The following WDR44 variants were observed in gnomAD, a reference collection of about 807,000 sequenced individuals.
The protein encoded by WDR44 is WD repeat domain 44.
A neutral mutation model predicts 65.7 loss-of-function variants in WDR44; 9 were observed. That is an observed-to-expected ratio of 0.14 (90% CI 0.08 to 0.24). WDR44 has a LOEUF of 0.24. Among genes scored for constraint, WDR44 ranks in the 10% least tolerant of loss-of-function variants. The probability of loss-of-function intolerance (pLI) is 1.00; values close to 1 mark genes in which losing one functional copy is unlikely to be tolerated. For synonymous variants in WDR44, 220 were observed against 235.2 expected (o/e 0.94, Z 0.59); for missense variants, 425 against 670.9 (o/e 0.63, Z 4.05).
chrX:118,419,384 T>TG (rs777342287), intron 12 of WDR44, among the ~76,000 whole-genome samples: 1 of 112,157 alleles, frequency 8.9e-6, no homozygotes, highest in Non-Finnish European at 1.9e-5. Context: ...TATATTTCGC[T>TG]GGGCTCTCTA....
intron 1 of WDR44, among the ~76,000 whole-genome samples, chrX:118,368,483 T>C (rs6646175): frequency 0.32 from 27,258 of 84,870 alleles, 7,358 homozygotes; most frequent in African/African-American, 0.81. Context: ...ATATATATAC[T>C]TCTTGAGGAC....
At chrX:118,362,012 A>C (rs1410550594) in intron 1 of WDR44, among the ~76,000 whole-genome samples, 1 of 112,151 alleles carries the variant, frequency 8.9e-6, no homozygotes, top group Non-Finnish European at 1.9e-5. Flanking sequence ...CAGGCAAGAC[A>C]GTACAAGTAG....
chrX:118,376,943 C>T (rs1018081896), intron 1 of WDR44, among the ~76,000 whole-genome samples: 5 of 109,386 alleles, frequency 4.6e-5, no homozygotes, highest in Non-Finnish European at 7.6e-5. Context: ...GTTGAGGCTG[C>T]AGTGAGCCAT....
At chrX:118,348,197 C>G (rs1264375981) in intron 1 of WDR44, among the ~76,000 whole-genome samples, 1 of 112,092 alleles carries the variant, frequency 8.9e-6, no homozygotes, top group Non-Finnish European at 1.9e-5. Context: ...TAGTCCAGTA[C>G]CTGGGCACAG....
At chrX:118,350,356 T>C (rs2802923) in intron 1 of WDR44, among the ~76,000 whole-genome samples, 29,253 of 110,817 alleles carry the variant, frequency 0.26, 3,162 homozygotes, top group African/African-American at 0.39. Context: ...TTTCTGCTAC[T>C]GGGCTGTCTT....
chrX:118,445,944 C>T (rs1164198481), intron 19 of WDR44, among the ~76,000 whole-genome samples: 3 of 107,106 alleles, frequency 2.8e-5, no homozygotes, highest in African/African-American at 1.0e-4. Context: ...GCTGGAGAAT[C>T]GCTTGAACCA....
intron 1 of WDR44, among the ~76,000 whole-genome samples, chrX:118,368,649 G>GA (rs1306408995): frequency 9.6e-6 from 1 of 104,127 alleles, no homozygotes; most frequent in Non-Finnish European, 1.9e-5. Flanking sequence ...GAAGTGTTGG[G>GA]AGACTGGAAA....
chrX:118,403,409 A>T (rs751934673), intron 8 of WDR44, among the ~76,000 whole-genome samples: 2 of 111,819 alleles, frequency 1.8e-5, no homozygotes, highest in East Asian at 5.6e-4. Flanking sequence ...TGAGGTTACT[A>T]TAAGAGCTTG....
intron 1 of WDR44, among the ~76,000 whole-genome samples, chrX:118,372,278 G>T (rs1211416268): frequency 9.0e-6 from 1 of 111,250 alleles, no homozygotes; most frequent in Non-Finnish European, 1.9e-5. Flanking sequence ...AGATATTTCT[G>T]CTAGTTAGTG....
intron 12 of WDR44, among the ~76,000 whole-genome samples, chrX:118,411,340 A>G (rs1195471767): frequency 8.9e-6 from 1 of 112,085 alleles, no homozygotes; most frequent in Non-Finnish European, 1.9e-5. Context: ...TGGTTTAATA[A>G]ACACTTTATC....
At position 118,346,331 on chromosome X, in the gene WDR44, T is replaced by C; in HGVS notation, c.-173T>C. On this transcript the variant is annotated 5_prime_UTR_variant, in exon 1 of 20. Transcript: ENST00000254029. ...CCGGTCATTCCCGAAGCCCGGCAAC[T>C]GAGGGCGGCCCCCTTTCCTTAACAG... is the stretch of plus-strand genomic sequence containing the variant. 2.3e-6 allele frequency: 1 copy of C among 432,438 alleles called. No homozygotes were observed. The highest frequency in any genetic ancestry group is 4.0e-6 in the Non-Finnish European group (1 of 247,006). The allele number at this position is 432,438 out of a possible 1,213,427, so 35.6% of individuals were successfully genotyped here. A position where few individuals can be genotyped will look rare whatever the true frequency, so the allele number is the denominator to read the frequency against.
At position 118,424,281 on chromosome X, in the gene WDR44, A is replaced by ATG. The variant is rs1556124009; in HGVS notation, c.1738-8488_1738-8487dup. The stretch of plus-strand genomic sequence containing the variant: ...CTTGTTATCTTATATATATATATAT[A>ATG]TGTGTGTGTGTGTATGTGTATATAT... On this transcript the variant is annotated intron_variant, in intron 12 of 19. Coordinates refer to ENST00000254029, the MANE Select transcript of WDR44 (RefSeq NM_019045.5). Among the ~76,000 whole-genome samples the ATG allele has an allele frequency of 2.5e-3, 229 of 92,732 alleles. 3 individuals are homozygous for ATG. Among genetic ancestry groups the ATG allele is most frequent in the African/African-American group, 4.9e-3 (112 of 22,970 alleles). The allele number at this position is 92,732 out of a possible 115,157, so 80.5% of individuals were successfully genotyped here. A position where few individuals can be genotyped will look rare whatever the true frequency, so the allele number is the denominator to read the frequency against.
In WDR44 at chrX:118,441,780, G is replaced by A. The variant is rs770755784; in HGVS notation, c.2166+221G>A. 7.2e-5 allele frequency among the ~76,000 whole-genome samples: 8 copies of A among 111,319 alleles called. No homozygotes were observed. In the South Asian group the frequency reaches 2.7e-3, roughly 37 times the overall value. On this transcript the variant is annotated intron_variant, in intron 15 of 19. Transcript: ENST00000254029. ...TTTTGAGATGGAGTCTCACTCTGTT[G>A]CCCAGGATGGAGTGCAGTGGAGCGA...
intron 3 of WDR44, among the ~76,000 whole-genome samples, chrX:118,390,883 G>A (rs1209864595): frequency 1.3e-4 from 15 of 111,811 alleles, no homozygotes; most frequent in Non-Finnish European, 2.8e-4. Flanking sequence ...AAGATCACTG[G>A]ATTTTTAAGT....
At chrX:118,371,997 C>A (rs868615488) in intron 1 of WDR44, among the ~76,000 whole-genome samples, 3 of 93,100 alleles carry the variant, frequency 3.2e-5, no homozygotes, top group Non-Finnish European at 6.5e-5. Flanking sequence ...TTTTTTATTT[C>A]TTTTTTTTTT....
rs1003528479 is a variant in WDR44 at position 118,351,856 on chromosome X, C to T, written c.77+5276C>T. 4.5e-5 allele frequency among the ~76,000 whole-genome samples: 5 copies of T among 110,674 alleles called. No homozygotes were observed. In the East Asian group the frequency reaches 8.6e-4, roughly 19 times the overall value. ...ACTTGGGAGGCTGAGGCAGGAGAAT[C>T]GCTTGAACCCGGGAGGCGGAGGTTA... On this transcript the variant is annotated intron_variant, in intron 1 of 19. Coordinates refer to ENST00000254029, the MANE Select transcript of WDR44 (RefSeq NM_019045.5).
intron 5 of WDR44, 147 bp downstream of exon 5, chrX:118,394,332 A>C: frequency 1.2e-6 from 1 of 805,924 alleles, no homozygotes; most frequent in Non-Finnish European, 1.7e-6. Context: ...CAGCTCTGCT[A>C]CATGCTAACT....
chrX:118,414,978 C>A (rs1180947549), intron 12 of WDR44, among the ~76,000 whole-genome samples: 1 of 111,585 alleles, frequency 9.0e-6, no homozygotes, highest in African/African-American at 3.3e-5. Flanking sequence ...GGAATGCTTT[C>A]AATTTTTCCC....
chrX:118,420,046 C>G (rs181802757), intron 12 of WDR44, among the ~76,000 whole-genome samples: 27 of 109,500 alleles, frequency 2.5e-4, no homozygotes, highest in Middle Eastern at 4.7e-3. Context: ...GCCACTCTAC[C>G]CCCACCCACA....
Sources: gnomAD v4.1 joint callset for allele counts (sites outside exome capture counted in the v4.1 genomes callset) on GRCh38, gnomAD v4.1.1 for gene constraint, MANE v1.5 for transcripts, NCBI Gene and HGNC (gene_info 2026-07-23, HGNC 2026-07-21) for gene names.